Variants in NCOA7 observed in about 807,000 individuals in gnomAD.
NCOA7 encodes the protein nuclear receptor coactivator 7.
In NCOA7, 45 loss-of-function variants were observed where a neutral mutation model predicts 104.3. That is an observed-to-expected ratio of 0.43 (90% CI 0.34 to 0.55). NCOA7 has a LOEUF of 0.55. Ranked by LOEUF, NCOA7 falls within the 20% of genes least tolerant of loss-of-function variation. The pLI, the probability that NCOA7 is intolerant of heterozygous loss-of-function variation, is 0.02. For synonymous variants in NCOA7, 398 were observed against 402.3 expected, an observed-to-expected ratio of 0.99 and a Z score of 0.13; for missense variants, 1,041 against 1,119.7, an observed-to-expected ratio of 0.93 and a Z score of 1.00.
chr6:125,897,381 A>G (rs1034320534), intron 10 of NCOA7, among the ~76,000 whole-genome samples: 1 of 152,210 alleles, frequency 6.6e-6, no homozygotes, highest in African/African-American at 2.4e-5. Flanking sequence ...TAGATGTTTC[A>G]TAGTTAAATA....
chr6:125,885,134 T>C (rs1362749294), intron 7 of NCOA7, 25 bp from the exon 8 acceptor site: 1 of 1,610,822 alleles, frequency 6.2e-7, no homozygotes, highest in Non-Finnish European at 8.5e-7. Flanking sequence ...CTGAAGTGAT[T>C]CTGTCCTGTT....
At chr6:125,828,829 A>G (rs1040892628) in intron 2 of NCOA7, among the ~76,000 whole-genome samples, 1 of 152,072 alleles carries the variant, frequency 6.6e-6, no homozygotes, top group Non-Finnish European at 1.5e-5. Flanking sequence ...GTGCCAGGAG[A>G]TTTACAAATA....
intron 7 of NCOA7, among the ~76,000 whole-genome samples, chr6:125,884,043 A>G (rs1282433914): frequency 1.3e-5 from 2 of 152,086 alleles, no homozygotes; most frequent in Admixed American, 6.6e-5. Flanking sequence ...AGTCATCACC[A>G]TTCTACTCTC....
At chr6:125,844,609 C>T (rs530035146) in intron 2 of NCOA7, among the ~76,000 whole-genome samples, 2 of 152,202 alleles carry the variant, frequency 1.3e-5, no homozygotes, top group South Asian at 4.1e-4. Flanking sequence ...AAATGGAAAA[C>T]TATGAAATGA....
chr6:125,848,544 A>C (rs538171244), intron 2 of NCOA7, among the ~76,000 whole-genome samples: 1 of 152,138 alleles, frequency 6.6e-6, no homozygotes, highest in Admixed American at 6.6e-5. Context: ...GCAAACTATC[A>C]CAAGGACAGA....
At chr6:125,832,509 T>C (rs1041688687) in intron 2 of NCOA7, among the ~76,000 whole-genome samples, 2 of 152,214 alleles carry the variant, frequency 1.3e-5, no homozygotes, top group Admixed American at 6.5e-5. Flanking sequence ...GTAATGCTAC[T>C]TAGAGATTGA....
At chr6:125,792,154 A>G (rs1338432773) in intron 1 of NCOA7, among the ~76,000 whole-genome samples, 1 of 152,244 alleles carries the variant, frequency 6.6e-6, no homozygotes, top group African/African-American at 2.4e-5. Flanking sequence ...CTGTGTTTCA[A>G]GCTTTCATCT....
chr6:125,819,108 GAACACC>G (rs1326821456), intron 2 of NCOA7, among the ~76,000 whole-genome samples: 2 of 151,904 alleles, frequency 1.3e-5, no homozygotes, highest in African/African-American at 4.8e-5. Context: ...GAAAAACTAG[GAACACC>G]TAGTTTTTCC....
chr6:125,882,567 A>C lies in NCOA7; in HGVS notation c.699+16A>C, dbSNP rs1412205946. ...CGATGGAAAGGTATATAGCAATGTAATTTGTTTCCTTTCCTTGAAATCTAT... is the reference window on the plus strand; with the variant it reads ...CGATGGAAAGGTATATAGCAATGTACTTTGTTTCCTTTCCTTGAAATCTAT... On this transcript the variant is annotated intron_variant, in intron 7 of 15. Coordinates refer to ENST00000392477, the MANE Select transcript of NCOA7 (RefSeq NM_181782.5). The C allele has an allele frequency of 1.2e-6, 2 of 1,607,320 alleles. No individual in the cohort carries two copies. Among genetic ancestry groups the C allele is most frequent in the African/African-American group, 1.3e-5 (1 of 74,826 alleles).
intron 2 of NCOA7, among the ~76,000 whole-genome samples, chr6:125,852,219 A>G (rs868798474): frequency 7.2e-5 from 11 of 152,058 alleles, no homozygotes; most frequent in African/African-American, 2.4e-4. Flanking sequence ...TTTCTGAGAA[A>G]GAGTCTTTCT....
intron 2 of NCOA7, among the ~76,000 whole-genome samples, chr6:125,840,867 G>GTTTTTTTTTT (rs1305583308): frequency 1.8e-4 from 9 of 50,656 alleles, no homozygotes; most frequent in Non-Finnish European, 2.7e-4. Context: ...TTGTTTGGTT[G>GTTTTTTTTTT]GTTTTTTTTT....
intron 10 of NCOA7, among the ~76,000 whole-genome samples, chr6:125,901,115 A>T (rs1226839281): frequency 6.6e-6 from 1 of 152,240 alleles, no homozygotes; most frequent in Non-Finnish European, 1.5e-5. Flanking sequence ...AACTGCATGC[A>T]TATGCGTTTC....
rs779584932 is a variant in NCOA7 at position 125,928,754 on chromosome 6, G to T, written c.2812G>T (p.Val938Leu). 2 of 1,611,392 alleles carry T rather than the reference G, an allele frequency of 1.2e-6. No homozygotes were observed. Among genetic ancestry groups the T allele is most frequent in the East Asian group, 4.5e-5 (2 of 44,842 alleles). ...KEDFIVQDLE[V>L]WAFD ...AGACTTCATAGTTCAGGATCTGGAG[G>T]TGTGGGCATTTGATTGAAATTCAGA... Residue 938 changes from valine to leucine, a missense_variant, in exon 16 of 16, where the codon GTG becomes TTG. Val to Leu is a conservative substitution (Grantham distance 32). Transcript: ENST00000392477.
At chr6:125,920,184 T>C (rs1354136586) in intron 11 of NCOA7, among the ~76,000 whole-genome samples, 1 of 152,242 alleles carries the variant, frequency 6.6e-6, no homozygotes, top group East Asian at 1.9e-4. Flanking sequence ...ACTATTTTTA[T>C]CATCTCTGAA....
intron 2 of NCOA7, among the ~76,000 whole-genome samples, chr6:125,854,565 T>A (rs1193455228): frequency 6.6e-6 from 1 of 152,236 alleles, no homozygotes; most frequent in Non-Finnish European, 1.5e-5. Flanking sequence ...ATCCTTTTAC[T>A]CAGTATGTGA....
rs1583282854 is a variant in NCOA7, at chr6:125,815,354, T to C, written c.-1T>C. ...ATACTTTGCACTTTTGATTGTGTAT[T>C]ATGGATACCAAGGAAGAGAAGAAGG... On this transcript the variant is annotated 5_prime_UTR_variant, in exon 2 of 16. Coordinates refer to ENST00000392477, the MANE Select transcript of NCOA7 (RefSeq NM_181782.5). 6.2e-7 allele frequency: 1 copy of C among 1,607,654 alleles called. No individual in the cohort carries two copies. Among genetic ancestry groups the C allele is most frequent in the Non-Finnish European group, 8.5e-7 (1 of 1,176,880 alleles).
At position 125,841,075 on chromosome 6, in the gene NCOA7, T is replaced by C. The variant is rs534112236; in HGVS notation, c.51-13945T>C. On this transcript the variant is annotated intron_variant, in intron 2 of 15. Coordinates refer to ENST00000392477, the MANE Select transcript of NCOA7 (RefSeq NM_181782.5). The stretch of plus-strand genomic sequence containing the variant: ...GCCCAGCTAATTTTTGTAGTTTTAG[T>C]AGAGACAGGATTTCACTTTGTTGGC... 1.4e-3 allele frequency among the ~76,000 whole-genome samples: 209 copies of C among 151,310 alleles called. 1 individual carries two copies. Among genetic ancestry groups the C allele is most frequent in the Admixed American group, 3.2e-3 (48 of 15,204 alleles).
At chr6:125,925,223 G>A (rs908260285) in intron 13 of NCOA7, among the ~76,000 whole-genome samples, 1 of 152,192 alleles carries the variant, frequency 6.6e-6, no homozygotes, top group Non-Finnish European at 1.5e-5. Flanking sequence ...AACTGACTTT[G>A]TTTAGACACA....
At chr6:125,920,829 C>G in intron 11 of NCOA7, 114 bp from the exon 12 acceptor site, 1 of 1,357,250 alleles carries the variant, frequency 7.4e-7, no homozygotes, top group South Asian at 1.4e-5. Context: ...AGTTGATTTC[C>G]TGCTGCCGAA....
Sources: allele counts gnomAD v4.1 joint callset (sites outside exome capture counted in the v4.1 genomes callset), GRCh38; gene constraint gnomAD v4.1.1; transcripts MANE v1.5; gene names NCBI Gene and HGNC (gene_info 2026-07-23, HGNC 2026-07-21).